The following TGFBR3 variants were observed in gnomAD, a reference collection of about 807,000 sequenced individuals.
TGFBR3 encodes transforming growth factor beta receptor 3, also known as transforming growth factor beta receptor type 3.
A neutral mutation model predicts 87.9 loss-of-function variants in TGFBR3; 46 were observed. The observed-to-expected ratio is 0.52, with a 90% CI of 0.41 to 0.67. The LOEUF is 0.67. TGFBR3 is among the 30% of genes least tolerant of loss of function. TGFBR3 has a pLI of 0.00. For missense variants in TGFBR3, 866 were observed against 1,041.9 expected (o/e 0.83, Z 2.32); for synonymous variants, 381 against 391.6 (o/e 0.97, Z 0.32).
chr1:91,793,401 C>T lies in TGFBR3; in HGVS notation c.246+3886G>A, dbSNP rs1675262540. Among the ~76,000 whole-genome samples the T allele has an allele frequency of 2.6e-5, 4 of 152,204 alleles. No homozygotes were observed. The South Asian group carries it at 8.3e-4, about 32-fold the overall frequency. On this transcript the variant is annotated intron_variant, in intron 3 of 16. Transcript: ENST00000212355. ...TTAAGGATGACATCATGAAAACCAA[C>T]TACTCCAGTCTTCAGTCATAGTCAA...
chr1:91,827,605 G>C (rs901913), intron 2 of TGFBR3, among the ~76,000 whole-genome samples: 5 of 152,042 alleles, frequency 3.3e-5, no homozygotes, highest in African/African-American at 9.7e-5. Flanking sequence ...TTCTTTGTAT[G>C]CACGCCGCAT....
Position 91,731,365 on chromosome 1 carries a change from A to G in TGFBR3, c.569-1392T>C, listed in dbSNP as rs1475544711. ...ACAGCACCCCCAGCACCACCCCAGAACAAAGGGGACCAAAGCCTCTGTTTG... is the reference window on the plus strand; with the variant it reads ...ACAGCACCCCCAGCACCACCCCAGAGCAAAGGGGACCAAAGCCTCTGTTTG... On this transcript the variant is annotated intron_variant, in intron 5 of 16. Transcript: ENST00000212355. Among the ~76,000 whole-genome samples the G allele has an allele frequency of 3.3e-5, 5 of 152,184 alleles. No individual in the cohort carries two copies. The East Asian group carries it at 9.6e-4, about 29-fold the overall frequency.
chr1:91,843,739 T>G (rs570117501), intron 2 of TGFBR3, among the ~76,000 whole-genome samples: 4 of 152,204 alleles, frequency 2.6e-5, no homozygotes, highest in Non-Finnish European at 5.9e-5. Flanking sequence ...TGAACCTGTG[T>G]GCCTGAATCC....
chr1:91,867,483 T>A (rs1364445832), intron 1 of TGFBR3, among the ~76,000 whole-genome samples: 2 of 152,094 alleles, frequency 1.3e-5, no homozygotes, highest in East Asian at 3.9e-4. Context: ...CTTCAGTCCG[T>A]CCTTAAGAGC....
chr1:91,838,670 C>T (rs1211670585), intron 2 of TGFBR3, among the ~76,000 whole-genome samples: 17 of 151,276 alleles, frequency 1.1e-4, no homozygotes, highest in African/African-American at 3.4e-4. Flanking sequence ...AGGGTTTCAC[C>T]GCGTTAGCCA....
chr1:91,773,017 T>C (rs943061305), intron 3 of TGFBR3, among the ~76,000 whole-genome samples: 15 of 152,184 alleles, frequency 9.9e-5, no homozygotes, highest in Admixed American at 9.2e-4. Context: ...ACTTTCACTA[T>C]AAACCACAAA....
chr1:91,696,260 T>C lies in TGFBR3; in HGVS notation c.2330-481A>G, dbSNP rs17885328. Among the ~76,000 whole-genome samples the C allele has an allele frequency of 2.4e-3, 366 of 152,334 alleles. 7 individuals are homozygous for C. In the East Asian group the frequency reaches 0.062, roughly 26 times the overall value. On this transcript the variant is annotated intron_variant, in intron 15 of 16. Coordinates refer to ENST00000212355, the MANE Select transcript of TGFBR3 (RefSeq NM_003243.5). ...CTTAGAATACTTTATACACATATTTTTGTGAACATTTACAAGTATGAAAGA... is the reference window on the plus strand; with the variant it reads ...CTTAGAATACTTTATACACATATTTCTGTGAACATTTACAAGTATGAAAGA...
intron 1 of TGFBR3, among the ~76,000 whole-genome samples, chr1:91,866,163 C>T (rs983166742): frequency 5.3e-5 from 8 of 152,156 alleles, no homozygotes; most frequent in Non-Finnish European, 1.2e-4. Context: ...TCAAAAGGAT[C>T]TGGTTGGGTA....
chr1:91,765,944 A>G (rs1026072927), intron 3 of TGFBR3, among the ~76,000 whole-genome samples: 1 of 152,188 alleles, frequency 6.6e-6, no homozygotes, highest in Admixed American at 6.5e-5. Flanking sequence ...TAATAAATAC[A>G]TCCATTCAGA....
At chr1:91,877,467 C>A (rs952922946) in intron 1 of TGFBR3, among the ~76,000 whole-genome samples, 9 of 152,146 alleles carry the variant, frequency 5.9e-5, no homozygotes, top group African/African-American at 2.2e-4. Context: ...GCTGGGACTA[C>A]AGGCACACAC....
chr1:91,691,568 T>C (rs983031260), intron 16 of TGFBR3, among the ~76,000 whole-genome samples: 5 of 152,220 alleles, frequency 3.3e-5, no homozygotes, highest in African/African-American at 1.2e-4. Context: ...TTTTCAGACA[T>C]GCAAGGTGTG....
At chr1:91,760,458 A>G (rs745569881) in intron 3 of TGFBR3, among the ~76,000 whole-genome samples, 5 of 152,176 alleles carry the variant, frequency 3.3e-5, no homozygotes, top group Non-Finnish European at 5.9e-5. Context: ...TAGACACGAT[A>G]ATACACTTGA....
chr1:91,865,392 G>A (rs1678356024), intron 1 of TGFBR3, among the ~76,000 whole-genome samples: 1 of 150,424 alleles, frequency 6.6e-6, no homozygotes, highest in African/African-American at 2.4e-5. Context: ...TATACCTAAT[G>A]TATACCTATG....
chr1:91,707,069 AT>A (rs1222235823), intron 14 of TGFBR3, among the ~76,000 whole-genome samples: 1 of 152,216 alleles, frequency 6.6e-6, no homozygotes, highest in Non-Finnish European at 1.5e-5. Flanking sequence ...ATTAAAGATT[AT>A]TTTGCTTCTT....
At chr1:91,822,669 G>A (rs915812541) in intron 2 of TGFBR3, among the ~76,000 whole-genome samples, 1 of 152,196 alleles carries the variant, frequency 6.6e-6, no homozygotes, top group African/African-American at 2.4e-5. Flanking sequence ...GTACACGCCT[G>A]TAATCCTAGC....
intron 3 of TGFBR3, among the ~76,000 whole-genome samples, chr1:91,777,458 T>C (rs1674604063): frequency 1.3e-5 from 2 of 152,114 alleles, no homozygotes; most frequent in African/African-American, 4.8e-5. Context: ...AAAATTCTCC[T>C]TTCAGCCCTC....
chr1:91,822,870 G>A (rs1030045026), intron 2 of TGFBR3, among the ~76,000 whole-genome samples: 1 of 152,084 alleles, frequency 6.6e-6, no homozygotes, highest in African/African-American at 2.4e-5. Context: ...AGGTTGCAGC[G>A]AGCCAAGATC....
At chr1:91,800,328 ATATGTG>A (rs1553168318) in intron 2 of TGFBR3, among the ~76,000 whole-genome samples, 8 of 122,628 alleles carry the variant, frequency 6.5e-5, no homozygotes, top group East Asian at 3.4e-4. Context: ...ATATATGTGT[ATATGTG>A]TGTGTGTGTG....
rs1332697140 is a variant in TGFBR3, at chr1:91,695,688, G to A, written c.2421C>T (p.Tyr807=). The A allele has an allele frequency of 6.2e-7, 1 of 1,614,068 alleles. No homozygotes were observed. The highest frequency in any genetic ancestry group is 1.7e-5 in the Admixed American group (1 of 60,024). Residue 807 remains tyrosine, a synonymous_variant, in exon 16 of 17, where the codon TAC becomes TAT. Transcript: ENST00000212355. ...CACACTAACCTGTGTGAGAATAGAT[G>A]TACCACAAGGCCCCCGTCAGGAGTG... The part of the protein sequence containing the change: ...IGALLTGALW[Y]IYSHTGETAG...
Sources: gnomAD v4.1 joint callset for allele counts (sites outside exome capture counted in the v4.1 genomes callset) on GRCh38, gnomAD v4.1.1 for gene constraint, MANE v1.5 for transcripts, NCBI Gene and HGNC (gene_info 2026-07-23, HGNC 2026-07-21) for gene names.